Variants in ZNF467 observed in about 807,000 individuals in gnomAD.
ZNF467 encodes the protein zinc finger protein EZI.
A neutral mutation model predicts 47.8 loss-of-function variants in ZNF467; 51 were observed. The observed-to-expected ratio is 1.07, with a 90% CI of 0.85 to 1.35. The LOEUF is 1.35. ZNF467 is among the 40% of genes most tolerant of loss of function. The pLI, the probability that ZNF467 is intolerant of heterozygous loss-of-function variation, is 0.00. For synonymous variants in ZNF467, 416 were observed against 372.9 expected, an observed-to-expected ratio of 1.12 and a Z score of -1.33; for missense variants, 992 against 858.1, an observed-to-expected ratio of 1.16 and a Z score of -1.95.
chr7:149,771,523 G>T (rs117792503), intron 1 of ZNF467, among the ~76,000 whole-genome samples: 5 of 152,256 alleles, frequency 3.3e-5, no homozygotes, highest in South Asian at 4.1e-4. Flanking sequence ...CAGCCCAGGG[G>T]CGGGAGTGAG....
chr7:149,768,146 A>G (rs1372815933), intron 4 of ZNF467, among the ~76,000 whole-genome samples: 1 of 152,158 alleles, frequency 6.6e-6, no homozygotes, highest in Non-Finnish European at 1.5e-5. Context: ...TACTGTTAAC[A>G]CTTTTGTGCT....
At chr7:149,770,355 G>A (rs1389699039) in intron 3 of ZNF467, 85 bp downstream of exon 3, 1 of 724,426 alleles carries the variant, frequency 1.4e-6, no homozygotes, top group Non-Finnish European at 2.2e-6. Context: ...AGGGAGGGGG[G>A]AGGGAAGAAG....
intron 1 of ZNF467, among the ~76,000 whole-genome samples, chr7:149,771,511 G>GCCAGC (rs1039744238): frequency 2.6e-5 from 4 of 151,400 alleles, no homozygotes; most frequent in African/African-American, 7.4e-5. Flanking sequence ...TGAAATAGGA[G>GCCAGC]CCAGCCCAGG....
Position 149,766,164 on chromosome 7 carries a change from TG to T in ZNF467, c.337del (p.Gln113SerfsTer32). 1 of 1,576,734 alleles carries T rather than the reference TG, an allele frequency of 6.3e-7. No individual in the cohort carries two copies. The highest frequency in any genetic ancestry group is 8.6e-7 in the Non-Finnish European group (1 of 1,158,212). ...GGGGCTGGGAAGTAACGATAGATGC[TG>T]GGGCCATTCGACCTCCTCTTCTGCC... Reference protein sequence around the residue: ...QEAEEEVEWPQHLSLLPSPFP... With the variant: ...QEAEEEVEWPXHLSLLPSPFP... On this transcript the variant is annotated frameshift_variant, in exon 5 of 5. Coordinates refer to ENST00000302017, the MANE Select transcript of ZNF467 (RefSeq NM_207336.3). LOFTEE classifies it high-confidence loss of function.
At chr7:149,775,571 C>T (rs957018845), upstream of ZNF467, among the ~76,000 whole-genome samples, 2 of 152,178 alleles carry the variant, frequency 1.3e-5, no homozygotes, top group South Asian at 2.1e-4. Context: ...CAAAGAATTA[C>T]TGGAGTCTGA....
chr7:149,774,345 T>G (rs1363117370), upstream of ZNF467, among the ~76,000 whole-genome samples: 1 of 152,144 alleles, frequency 6.6e-6, no homozygotes, highest in African/African-American at 2.4e-5. The surrounding 1 kb of genome is among the most constrained non-coding windows in gnomAD (Gnocchi z 5.7). Flanking sequence ...TAGTTCCCGG[T>G]CTCCTCTCCA....
In ZNF467 at chr7:149,765,892, G is replaced by A. The variant is rs763039766; in HGVS notation, c.610C>T (p.Leu204=). ...CCGCGGTGGCTGCGCTGATGCAGTAGCATGTGGGCGCGCTGCGTGAAGCTG... is the reference window on the plus strand; with the variant it reads ...CCGCGGTGGCTGCGCTGATGCAGTAACATGTGGGCGCGCTGCGTGAAGCTG... ...GRSFTQRAHM[L]LHQRSHRGER... is the part of the protein sequence containing the mutation. The change falls in exon 5 of 5, where the codon CTA becomes TTA. Residue 204 remains leucine (L), a synonymous_variant. Coordinates refer to ENST00000302017, the MANE Select transcript of ZNF467 (RefSeq NM_207336.3). 4.4e-6 allele frequency: 7 copies of A among 1,582,512 alleles called. No individual in the cohort carries two copies. Among genetic ancestry groups the A allele is most frequent in the Non-Finnish European group, 6.0e-6 (7 of 1,165,256 alleles).
Position 149,765,116 on chromosome 7 carries a change from C to T in ZNF467, c.1386G>A (p.Thr462=). The T allele has an allele frequency of 6.8e-7, 1 of 1,473,628 alleles. No homozygotes were observed. The highest frequency in any genetic ancestry group is 1.3e-5 in the South Asian group (1 of 78,040). 91.3% of individuals were successfully genotyped at this position (1,473,628 alleles called of 1,614,324 possible). ...GCGAGCCGAAGCGGCGGTCACACTG[C>T]GTGCAGGCGAAGGGCCGTTCGCCCG... is the stretch of plus-strand genomic sequence containing the variant. The part of the protein sequence containing the change: ...VHTGERPFAC[T]QCDRRFGSRP... Residue 462 remains threonine, a synonymous_variant, in exon 5 of 5, where the codon ACG becomes ACA. Transcript: ENST00000302017.
At chr7:149,776,418 C>A, upstream of ZNF467, 1 of 1,358,142 alleles carries the variant, frequency 7.4e-7, no homozygotes, top group East Asian at 4.6e-5. Context: ...ACCTGGTACC[C>A]TGTGCCAGCC....
Position 149,765,159 on chromosome 7 carries a change from C to T in ZNF467, c.1343G>A (p.Arg448Gln), listed in dbSNP as rs1320635648. Residue 448 changes from arginine (R) to glutamine (Q), a missense_variant, in exon 5 of 5, where the codon CGG becomes CAG. Coordinates refer to ENST00000302017, the MANE Select transcript of ZNF467 (RefSeq NM_207336.3). ...TTCGCCCGTGTGCACGCGCGGGTGCCGCGCCAGGTGCTGCCCATGGGAGAA... is the reference window on the plus strand; with the variant it reads ...TTCGCCCGTGTGCACGCGCGGGTGCTGCGCCAGGTGCTGCCCATGGGAGAA... ...RGFSHGQHLA[R>Q]HPRVHTGERP... is the part of the protein sequence containing the mutation. 5 of 1,495,928 alleles carry T rather than the reference C, an allele frequency of 3.3e-6. No homozygotes were observed. The East Asian group carries it at 1.1e-4, about 32-fold the overall frequency. The allele number at this position is 1,495,928 out of a possible 1,614,324, so 92.7% of individuals were successfully genotyped here.
At chr7:149,776,037 G>A (rs771933492), upstream of ZNF467, 4 of 1,365,384 alleles carry the variant, frequency 2.9e-6, no homozygotes, top group Non-Finnish European at 3.9e-6. Flanking sequence ...GGGGGTGAGG[G>A]CACCATGCTA....
In ZNF467 at chr7:149,765,333, G is replaced by C. The variant is rs766995470; in HGVS notation, c.1169C>G (p.Ala390Gly). ...GGGGGCATCCACGGTGGCGCCCAGT[G>C]CGCACTCATCGCACCCAAAGGGGCG... is the stretch of plus-strand genomic sequence containing the variant. ...EGRPFGCDEC[A>G]LGATVDAPAA... Residue 390 changes from alanine to glycine, a missense_variant, in exon 5 of 5, where the codon GCA becomes GGA. Transcript: ENST00000302017. 5 of 1,513,992 alleles carry C rather than the reference G, an allele frequency of 3.3e-6. No homozygotes were observed. In the East Asian group the frequency reaches 1.2e-4, roughly 37 times the overall value. 93.8% of individuals were successfully genotyped at this position (1,513,992 alleles called of 1,614,324 possible).
In ZNF467 at chr7:149,765,039, G is replaced by A. The variant is rs1223668902; in HGVS notation, c.1463C>T (p.Ala488Val). ...GAAGCGGCGGCCGCACTGAGCGCAG[G>A]CGAAAGGCCTGGCGCCGCTGTGGGC... ...SRAHSGARPF[A>V]CAQCGRRFSR... is the part of the protein sequence containing the mutation. The change falls in exon 5 of 5, where the codon GCC becomes GTC. Residue 488 changes from alanine (A) to valine (V), a missense_variant. By Grantham distance (64) the Ala-to-Val change is moderately conservative (BLOSUM62 0). Coordinates refer to ENST00000302017, the MANE Select transcript of ZNF467 (RefSeq NM_207336.3). 2 of 1,538,800 alleles carry A rather than the reference G, an allele frequency of 1.3e-6. No homozygotes were observed. Among genetic ancestry groups the A allele is most frequent in the Non-Finnish European group, 1.7e-6 (2 of 1,148,728 alleles).
In ZNF467 at chr7:149,765,087, G is replaced by A. The variant is rs1005737206; in HGVS notation, c.1415C>T (p.Pro472Leu). Residue 472 changes from proline to leucine, a missense_variant, in exon 5 of 5, where the codon CCT (proline) becomes CTT (leucine). Transcript: ENST00000302017. ...GGCCCTGGAGTGGGCGACCAGATTAGGCCGCGAGCCGAAGCGGCGGTCACA... is the reference window on the plus strand; with the variant it reads ...GGCCCTGGAGTGGGCGACCAGATTAAGCCGCGAGCCGAAGCGGCGGTCACA... ...TQCDRRFGSRPNLVAHSRAHS... is the reference protein window; with the variant it reads ...TQCDRRFGSRLNLVAHSRAHS... 2 of 1,471,786 alleles carry A rather than the reference G, an allele frequency of 1.4e-6. No homozygotes were observed. Among genetic ancestry groups the A allele is most frequent in the African/African-American group, 2.9e-5 (2 of 68,664 alleles). The allele number at this position is 1,471,786 out of a possible 1,614,324, so 91.2% of individuals were successfully genotyped here.
In ZNF467 at chr7:149,765,686, G is replaced by T. The variant is rs775334375; in HGVS notation, c.816C>A (p.Phe272Leu). Reference protein sequence around the residue: ...HQKTHTGERPFPCTECEKRFR... With the variant: ...HQKTHTGERPLPCTECEKRFR... ...AGCGCTTCTCGCATTCCGTGCAGGG[G>T]AAGGGCCGCTCGCCGGTGTGGGTCT... Residue 272 changes from phenylalanine (F) to leucine (L), a missense_variant, in exon 5 of 5, where the codon TTC becomes TTA. Transcript: ENST00000302017. 43 of 1,613,360 alleles carry T rather than the reference G, an allele frequency of 2.7e-5. No homozygotes were observed. Among genetic ancestry groups the T allele is most frequent in the Admixed American group, 6.7e-5 (4 of 59,962 alleles).
rs771258528 is a variant in ZNF467 at position 149,769,300 on chromosome 7, C to T, written c.152-100G>A. The T allele has an allele frequency of 2.4e-5, 26 of 1,065,156 alleles. No homozygotes were observed. The highest frequency in any genetic ancestry group is 3.3e-5 in the Non-Finnish European group (25 of 755,762). 66.0% of individuals were successfully genotyped at this position (1,065,156 alleles called of 1,614,324 possible). The stretch of plus-strand genomic sequence containing the variant: ...GCAGGAGCATTTGAAACCCTGGCTC[C>T]AGCAGGGCCCACAGGGTTCCTCCCA... On this transcript the variant is annotated intron_variant, in intron 3 of 4. Transcript: ENST00000302017. This position sits in a 1 kb window ranked among gnomAD's most constrained non-coding sequence, Gnocchi z 5.3.
At chr7:149,770,374 G>T in intron 3 of ZNF467, 66 bp downstream of exon 3, 1 of 1,085,772 alleles carries the variant, frequency 9.2e-7, no homozygotes, top group Non-Finnish European at 1.4e-6. Context: ...AGGGAGAGAG[G>T]TAGGGAGGGC....
rs1563081234 is a variant in ZNF467 at position 149,770,492 on chromosome 7, G to A, written c.99C>T (p.Ala33=). ...CCCTAGAAGAGGACATCTGCTCCTG[G>A]GCATTATGGGATCCTTCCCTGGGCT... The part of the protein sequence containing the change: ...QSEPREGSHN[A]QEQMSSSREE... Residue 33 remains alanine (A), a synonymous_variant, in exon 3 of 5, where the codon GCC becomes GCT. Coordinates refer to ENST00000302017, the MANE Select transcript of ZNF467 (RefSeq NM_207336.3). 6.2e-7 allele frequency: 1 copy of A among 1,613,758 alleles called. No homozygotes were observed. Among genetic ancestry groups the A allele is most frequent in the South Asian group, 1.1e-5 (1 of 91,066 alleles).
Position 149,769,272 on chromosome 7 carries a change from G to A in ZNF467, c.152-72C>T. Reference sequence around the variant, plus strand: ...GGCCAAAGGGCCCCACTGGTGCTGGGAAGCAGGAGCATTTGAAACCCTGGC... The same window carrying A: ...GGCCAAAGGGCCCCACTGGTGCTGGAAAGCAGGAGCATTTGAAACCCTGGC... On this transcript the variant is annotated intron_variant, in intron 3 of 4. Coordinates refer to ENST00000302017, the MANE Select transcript of ZNF467 (RefSeq NM_207336.3). This position sits in a 1 kb window ranked among gnomAD's most constrained non-coding sequence, Gnocchi z 5.3. 4.4e-6 allele frequency: 6 copies of A among 1,356,144 alleles called. No individual in the cohort carries two copies. The highest frequency in any genetic ancestry group is 6.0e-6 in the Non-Finnish European group (6 of 1,005,824). The allele number at this position is 1,356,144 out of a possible 1,614,324, so 84.0% of individuals were successfully genotyped here.
Sources: gnomAD v4.1 joint callset for allele counts (sites outside exome capture counted in the v4.1 genomes callset) on GRCh38, gnomAD v4.1.1 for gene constraint, Gnocchi (gnomAD v3.1) non-coding constraint, MANE v1.5 for transcripts, NCBI Gene and HGNC (gene_info 2026-07-23, HGNC 2026-07-21) for gene names.